CAMTA1: variants seen among roughly 807,000 people sequenced by gnomAD.
The protein encoded by CAMTA1 is calmodulin binding transcription activator 1.
A neutral mutation model predicts 170.9 loss-of-function variants in CAMTA1; 27 were observed. That is an observed-to-expected ratio of 0.16 (90% CI 0.12 to 0.22). CAMTA1 has a LOEUF of 0.22. Ranked by LOEUF, CAMTA1 falls within the 10% of genes least tolerant of loss-of-function variation. CAMTA1 has a pLI of 1.00. For missense variants in CAMTA1, 1,619 were observed against 2,217.2 expected (o/e 0.73, Z 5.42); for synonymous variants, 833 against 891.5 (o/e 0.93, Z 1.17).
chr1:7,708,789 G>A (rs1012441946), intron 11 of CAMTA1, among the ~76,000 whole-genome samples: 1 of 152,284 alleles, frequency 6.6e-6, no homozygotes, highest in Middle Eastern at 3.4e-3. Context: ...AGTATACGGA[G>A]TTTAATGAGG....
intron 4 of CAMTA1, among the ~76,000 whole-genome samples, chr1:7,172,253 G>A (rs1424152510): frequency 1.3e-5 from 2 of 152,046 alleles, no homozygotes; most frequent in African/African-American, 2.4e-5. Context: ...GGGCTCAAGC[G>A]ATTCTCCTGC....
At chr1:7,287,795 A>T (rs763051104) in intron 5 of CAMTA1, among the ~76,000 whole-genome samples, 2 of 152,064 alleles carry the variant, frequency 1.3e-5, no homozygotes, top group African/African-American at 2.4e-5. Flanking sequence ...GGCTCCTTCT[A>T]TTGTGTGGCT....
chr1:7,326,833 G>C (rs539455951), intron 5 of CAMTA1, among the ~76,000 whole-genome samples: 1 of 152,254 alleles, frequency 6.6e-6, no homozygotes, highest in South Asian at 2.1e-4. Flanking sequence ...ATGAGGGAGT[G>C]AGTAGGAAAG....
chr1:7,496,230 G>A (rs988202260), intron 6 of CAMTA1, among the ~76,000 whole-genome samples: 3 of 152,204 alleles, frequency 2.0e-5, no homozygotes, highest in Non-Finnish European at 4.4e-5. Flanking sequence ...GTCCATGTGC[G>A]GGAGGAGGTG....
At chr1:6,884,908 C>T (rs377101349) in intron 3 of CAMTA1, among the ~76,000 whole-genome samples, 12 of 152,214 alleles carry the variant, frequency 7.9e-5, no homozygotes, top group Admixed American at 2.0e-4. Flanking sequence ...TTCTCCTTCC[C>T]GCACCATTGT....
chr1:6,790,981 T>TGTGA (rs958526621), intron 1 of CAMTA1, among the ~76,000 whole-genome samples: 1 of 152,176 alleles, frequency 6.6e-6, no homozygotes, highest in African/African-American at 2.4e-5. Context: ...TTGTAATATG[T>TGTGA]GGTTTGGCAG....
rs749130521 is a variant in CAMTA1 at position 7,273,405 on chromosome 1, G to A, written c.438+23779G>A. Among the ~76,000 whole-genome samples, 17 of 152,280 alleles carry A rather than the reference G, an allele frequency of 1.1e-4. No individual in the cohort carries two copies. The East Asian group carries it at 2.5e-3, about 22-fold the overall frequency. ...TTACTTGGCAATAAAAAGGAATGAG[G>A]CACTGATAACATGCCACAACGTGGA... On this transcript the variant is annotated intron_variant, in intron 5 of 22. Transcript: ENST00000303635.
intron 6 of CAMTA1, among the ~76,000 whole-genome samples, chr1:7,618,209 C>T (rs2095572757): frequency 1.3e-5 from 2 of 152,166 alleles, no homozygotes; most frequent in Non-Finnish European, 2.9e-5. Flanking sequence ...TCTCTTCTTC[C>T]ATCTCCATAT....
chr1:7,147,920 T>C (rs1255118193), intron 4 of CAMTA1, among the ~76,000 whole-genome samples: 1 of 123,224 alleles, frequency 8.1e-6, no homozygotes, highest in Non-Finnish European at 1.7e-5. Context: ...TCATACACCA[T>C]GCACACACAC....
chr1:7,749,010 T>C (rs1440227768), intron 19 of CAMTA1, among the ~76,000 whole-genome samples: 1 of 152,142 alleles, frequency 6.6e-6, no homozygotes, highest in Non-Finnish European at 1.5e-5. Flanking sequence ...CTCAGAGAAA[T>C]TACATGAATA....
chr1:7,027,222 C>T (rs1009404331), intron 3 of CAMTA1, among the ~76,000 whole-genome samples: 2 of 152,062 alleles, frequency 1.3e-5, no homozygotes, highest in Admixed American at 6.5e-5. Flanking sequence ...GAAATGTCTT[C>T]GGTTTGTATT....
At chr1:7,496,632 G>T (rs961733236) in intron 6 of CAMTA1, among the ~76,000 whole-genome samples, 3 of 152,146 alleles carry the variant, frequency 2.0e-5, no homozygotes, top group African/African-American at 7.2e-5. Context: ...TCTGGTGTTG[G>T]CTATAATTAA....
At chr1:7,737,114 A>T in intron 14 of CAMTA1, 105 bp downstream of exon 14, 20 of 1,325,654 alleles carry the variant, frequency 1.5e-5, no homozygotes, top group Non-Finnish European at 2.2e-5. Flanking sequence ...CATGTTTCGG[A>T]GATACTTTGG....
At chr1:6,935,739 C>T (rs1399942204) in intron 3 of CAMTA1, among the ~76,000 whole-genome samples, 1 of 152,234 alleles carries the variant, frequency 6.6e-6, no homozygotes, top group Non-Finnish European at 1.5e-5. Flanking sequence ...GATTTTCCTT[C>T]CTGGACTGAA....
intron 11 of CAMTA1, among the ~76,000 whole-genome samples, chr1:7,715,766 T>G (rs2096605098): frequency 6.6e-6 from 1 of 152,236 alleles, no homozygotes; most frequent in Admixed American, 6.5e-5. Context: ...CAAGGGATAC[T>G]CAGAGGAACT....
intron 7 of CAMTA1, among the ~76,000 whole-genome samples, chr1:7,646,829 C>T (rs1420171101): frequency 6.6e-6 from 1 of 152,088 alleles, no homozygotes; most frequent in African/African-American, 2.4e-5. Context: ...TGGGTGGAGG[C>T]CCTGGCAAGT....
At chr1:6,966,340 A>G (rs765690076) in intron 3 of CAMTA1, among the ~76,000 whole-genome samples, 3 of 150,158 alleles carry the variant, frequency 2.0e-5, no homozygotes. Context: ...CCGTCACCCC[A>G]ACCCCCTCAT....
intron 6 of CAMTA1, among the ~76,000 whole-genome samples, chr1:7,524,038 C>A (rs1292002412): frequency 6.6e-6 from 1 of 151,644 alleles, no homozygotes; most frequent in African/African-American, 2.4e-5. Context: ...CCTGTCTCTA[C>A]TAATAATACA....
At chr1:7,183,557 C>T (rs1229821021) in intron 4 of CAMTA1, among the ~76,000 whole-genome samples, 5 of 152,170 alleles carry the variant, frequency 3.3e-5, no homozygotes, top group Non-Finnish European at 5.9e-5. Flanking sequence ...TTGGGAACAA[C>T]CTGAATGTCC....
Sources: allele counts gnomAD v4.1 joint callset (sites outside exome capture counted in the v4.1 genomes callset), GRCh38; gene constraint gnomAD v4.1.1; transcripts MANE v1.5; gene names NCBI Gene and HGNC (gene_info 2026-07-23, HGNC 2026-07-21).